Variants in RSBN1L observed in about 807,000 individuals in gnomAD.
RSBN1L encodes the protein lysine-specific demethylase RSBN1L.
In RSBN1L, 30 loss-of-function variants were observed where a neutral mutation model predicts 67.7. The observed-to-expected ratio is 0.44, with a 90% CI of 0.33 to 0.60. RSBN1L has a LOEUF of 0.60. RSBN1L is among the 20% of genes least tolerant of loss of function. RSBN1L has a pLI of 0.02. For synonymous variants in RSBN1L, 433 were observed against 387.0 expected, an observed-to-expected ratio of 1.12 and a Z score of -1.39; for missense variants, 992 against 1,031.7, an observed-to-expected ratio of 0.96 and a Z score of 0.53.
At position 77,749,817 on chromosome 7, in the gene RSBN1L, G is replaced by T; in HGVS notation, c.1097G>T (p.Ser366Ile). Reference sequence around the variant, plus strand: ...GGTGCATCGGTTATCCATGCCTACAGTAACGAACTCTCCCACCTGTCTCCT... The same window carrying T: ...GGTGCATCGGTTATCCATGCCTACATTAACGAACTCTCCCACCTGTCTCCT... ...NGGASVIHAY[S>I]NELSHLSPME... The change falls in exon 3 of 8, where the codon AGT becomes ATT. Residue 366 changes from serine (S) to isoleucine (I), a missense_variant. Physicochemically the swap from Ser to Ile is moderately radical, Grantham distance 142. Transcript: ENST00000334955. 1 of 1,614,214 alleles carries T rather than the reference G, an allele frequency of 6.2e-7. No individual in the cohort carries two copies. The highest frequency in any genetic ancestry group is 8.5e-7 in the Non-Finnish European group (1 of 1,180,042).
intron 2 of RSBN1L, among the ~76,000 whole-genome samples, chr7:77,746,540 C>G (rs1791486534): frequency 6.6e-6 from 1 of 152,146 alleles, no homozygotes; most frequent in Non-Finnish European, 1.5e-5. Flanking sequence ...TATCATTTCA[C>G]CCCTGGCCCC....
At chr7:77,719,316 G>A (rs1453610213) in intron 1 of RSBN1L, among the ~76,000 whole-genome samples, 1 of 152,158 alleles carries the variant, frequency 6.6e-6, no homozygotes, top group Non-Finnish European at 1.5e-5. Flanking sequence ...GTGTAACTAA[G>A]AGTATATAAC....
intron 6 of RSBN1L, among the ~76,000 whole-genome samples, chr7:77,776,768 C>G (rs2150435268): frequency 6.6e-6 from 1 of 152,002 alleles, no homozygotes; most frequent in East Asian, 1.9e-4. Flanking sequence ...TTTTCCCATT[C>G]TTTTTCTTTT....
chr7:77,768,802 AG>A lies in RSBN1L; in HGVS notation c.1625+1del. The A allele has an allele frequency of 1.9e-6, 3 of 1,613,968 alleles. No homozygotes were observed. The highest frequency in any genetic ancestry group is 2.5e-6 in the Non-Finnish European group (3 of 1,179,868). The part of the protein sequence containing the change: ...DMPKSPFKRK[R>X]TTNEIKNLQY... ...GCCAAAGTCACCTTTCAAAAGGAAAAGGTATGTTGTATACACATTTTTATTG... is the reference window on the plus strand; with the variant it reads ...GCCAAAGTCACCTTTCAAAAGGAAAAGTATGTTGTATACACATTTTTATTG... On this transcript the variant is annotated frameshift_variant and splice_region_variant, in exon 5 of 8. Transcript: ENST00000334955. LOFTEE classifies it high-confidence loss of function.
rs144389737 is a variant in RSBN1L at position 77,726,363 on chromosome 7, C to A, written c.587-10047C>A. ...TTGGCTGAGACAGTATCTCAGACTT[C>A]CATCGCTTTTAATGACCTTGATTGT... On this transcript the variant is annotated intron_variant, in intron 1 of 7. Coordinates refer to ENST00000334955, the MANE Select transcript of RSBN1L (RefSeq NM_198467.3). 6.0e-3 allele frequency among the ~76,000 whole-genome samples: 912 copies of A among 152,202 alleles called. 14 individuals carry two copies. Among genetic ancestry groups the A allele is most frequent in the African/African-American group, 0.02 (846 of 41,504 alleles).
At chr7:77,729,424 G>A (rs558858187) in intron 1 of RSBN1L, among the ~76,000 whole-genome samples, 1 of 152,274 alleles carries the variant, frequency 6.6e-6, no homozygotes, top group African/African-American at 2.4e-5. Context: ...AACCAGATGA[G>A]ATTATTTTGT....
rs147448429 is a variant in RSBN1L, at chr7:77,726,087, T to C, written c.587-10323T>C. 7.0e-3 allele frequency among the ~76,000 whole-genome samples: 1,064 copies of C among 152,312 alleles called. 6 individuals are homozygous for C. The highest frequency in any genetic ancestry group is 0.024 in the African/African-American group (994 of 41,556). ...TATAAGTTTTTTAGTAAGCATTTCA[T>C]TTCAGAGTAGTTTTAGATTTACAGA... On this transcript the variant is annotated intron_variant, in intron 1 of 7. Transcript: ENST00000334955.
intron 1 of RSBN1L, among the ~76,000 whole-genome samples, chr7:77,717,973 C>T (rs1264135682): frequency 5.9e-5 from 9 of 152,180 alleles, no homozygotes; most frequent in African/African-American, 1.4e-4. Context: ...GAGCCGAGAT[C>T]GTGCTGCTGC....
intron 5 of RSBN1L, among the ~76,000 whole-genome samples, chr7:77,771,511 C>CTT (rs10630112): frequency 0.26 from 35,060 of 135,982 alleles, 4,928 homozygotes; most frequent in South Asian, 0.31. Context: ...CTCAGCGACT[C>CTT]TTTTTTTTTT....
intron 3 of RSBN1L, among the ~76,000 whole-genome samples, chr7:77,762,743 C>T (rs1202322928): frequency 6.6e-6 from 1 of 152,140 alleles, no homozygotes; most frequent in Non-Finnish European, 1.5e-5. Flanking sequence ...TTTTACTCTA[C>T]AAGGACTGTG....
intron 1 of RSBN1L, among the ~76,000 whole-genome samples, chr7:77,720,456 A>G (rs1008611744): frequency 6.6e-6 from 1 of 152,082 alleles, no homozygotes; most frequent in South Asian, 2.1e-4. Context: ...GCTACTCGGG[A>G]GGCTGAGGCA....
At chr7:77,765,438 A>G (rs1170813250) in intron 3 of RSBN1L, 57 bp from the exon 4 acceptor site, 21 of 1,334,816 alleles carry the variant, frequency 1.6e-5, no homozygotes, top group South Asian at 5.3e-5. Flanking sequence ...AATTAAATCC[A>G]TATTCTTCAG....
chr7:77,699,178 A>G (rs908700842), intron 1 of RSBN1L, among the ~76,000 whole-genome samples: 3 of 152,138 alleles, frequency 2.0e-5, no homozygotes, highest in African/African-American at 7.2e-5. Context: ...GTGTTGCCCT[A>G]AGTTGGCTGT....
intron 3 of RSBN1L, among the ~76,000 whole-genome samples, chr7:77,755,862 A>T (rs1791610871): frequency 1.3e-5 from 2 of 152,186 alleles, no homozygotes; most frequent in Non-Finnish European, 2.9e-5. Flanking sequence ...TAAGTTCACT[A>T]GGTTCAGTTC....
intron 1 of RSBN1L, among the ~76,000 whole-genome samples, chr7:77,726,933 C>T (rs1416059347): frequency 6.6e-6 from 1 of 151,454 alleles, no homozygotes; most frequent in African/African-American, 2.4e-5. Flanking sequence ...AGGTGTGAGT[C>T]ACTGTGCCCG....
At chr7:77,765,888 T>C (rs1295831894) in intron 4 of RSBN1L, among the ~76,000 whole-genome samples, 1 of 152,198 alleles carries the variant, frequency 6.6e-6, no homozygotes, top group South Asian at 2.1e-4. Context: ...AGCTAAGTGG[T>C]GGGCCATGAA....
At chr7:77,736,571 C>G (rs995807972) in intron 2 of RSBN1L, 45 bp downstream of exon 2, 12 of 1,086,224 alleles carry the variant, frequency 1.1e-5, no homozygotes, top group Non-Finnish European at 1.5e-5. Context: ...TTATACTGTT[C>G]AGTATCTTTA....
At chr7:77,710,429 C>T (rs759453683) in intron 1 of RSBN1L, among the ~76,000 whole-genome samples, 38 of 152,084 alleles carry the variant, frequency 2.5e-4, no homozygotes, top group Non-Finnish European at 5.1e-4. Flanking sequence ...TTTCTCTACC[C>T]GTTTTCTTTC....
chr7:77,713,679 TAA>T (rs1302835221), intron 1 of RSBN1L, among the ~76,000 whole-genome samples: 1 of 149,384 alleles, frequency 6.7e-6, no homozygotes, highest in African/African-American at 2.4e-5. Flanking sequence ...TTTTTTTTTT[TAA>T]AAATAGAGAC....
Sources: gnomAD v4.1 joint callset for allele counts (sites outside exome capture counted in the v4.1 genomes callset) on GRCh38, gnomAD v4.1.1 for gene constraint, MANE v1.5 for transcripts, NCBI Gene and HGNC (gene_info 2026-07-23, HGNC 2026-07-21) for gene names.